Variants in ITGA11 observed in about 807,000 individuals in gnomAD.
The protein encoded by ITGA11 is integrin alpha-11.
ITGA11 carries 97 observed loss-of-function variants against 141.9 expected under a neutral mutation model. That is an observed-to-expected ratio of 0.68 (90% CI 0.58 to 0.81). The LOEUF (loss-of-function observed/expected upper bound fraction) is 0.81, where lower values mean the gene tolerates loss of function less well. Among genes scored for constraint, ITGA11 ranks in the 30% least tolerant of loss-of-function variants. ITGA11 has a pLI of 0.00. For missense variants in ITGA11, 1,387 were observed against 1,559.2 expected (o/e 0.89, Z 1.86); for synonymous variants, 658 against 624.6 (o/e 1.05, Z -0.80).
In ITGA11 at chr15:68,306,357, C is replaced by T. The variant is rs28442582; in HGVS notation, c.3381+991G>A. 5.9e-3 allele frequency among the ~76,000 whole-genome samples: 895 copies of T among 151,838 alleles called. 8 individuals are homozygous for T. The highest frequency in any genetic ancestry group is 0.02 in the African/African-American group (840 of 41,362). ...TGTGAGCAGGGTATGTGTGGGGGAGCGGGGGTGCCTGTACCACACCTCCCT... is the reference window on the plus strand; with the variant it reads ...TGTGAGCAGGGTATGTGTGGGGGAGTGGGGGTGCCTGTACCACACCTCCCT... On this transcript the variant is annotated intron_variant, in intron 28 of 29. Transcript: ENST00000315757.
intron 1 of ITGA11, among the ~76,000 whole-genome samples, chr15:68,428,060 T>A (rs1392540584): frequency 6.6e-6 from 1 of 152,256 alleles, no homozygotes; most frequent in East Asian, 1.9e-4. Context: ...AGGGTTATGA[T>A]GGATCCTAGA....
In ITGA11 at chr15:68,404,165, C is replaced by T. The variant is rs533567476; in HGVS notation, c.53-1136G>A. 7.2e-5 allele frequency among the ~76,000 whole-genome samples: 11 copies of T among 152,158 alleles called. No homozygotes were observed. The South Asian group carries it at 8.3e-4, about 11-fold the overall frequency. On this transcript the variant is annotated intron_variant, in intron 1 of 29. Transcript: ENST00000315757. The stretch of plus-strand genomic sequence containing the variant: ...TCTTCCCTCCTCCTCCCTTCATTAC[C>T]GCCTCCCCTATCTGCTGAAGAGTCA...
chr15:68,338,556 T>C lies in ITGA11; in HGVS notation c.1276+944A>G, dbSNP rs544443878. Among the ~76,000 whole-genome samples the C allele has an allele frequency of 8.5e-5, 13 of 152,374 alleles. No homozygotes were observed. The East Asian group carries it at 1.9e-3, about 23-fold the overall frequency. ...ATTTCTGAATTTTCTAGCACAGTCC[T>C]GATTCCAGCATTTTGCCCTTTTGTC... On this transcript the variant is annotated intron_variant, in intron 11 of 29. Coordinates refer to ENST00000315757, the MANE Select transcript of ITGA11 (RefSeq NM_001004439.2).
At chr15:68,397,027 T>A (rs535175631) in intron 2 of ITGA11, among the ~76,000 whole-genome samples, 2 of 13,778 alleles carry the variant, frequency 1.5e-4, no homozygotes, top group African/African-American at 4.3e-4. Flanking sequence ...TTATATAATA[T>A]ATAAATTATT....
At chr15:68,316,263 G>A (rs947774281) in intron 21 of ITGA11, among the ~76,000 whole-genome samples, 7 of 152,220 alleles carry the variant, frequency 4.6e-5, no homozygotes, top group East Asian at 1.9e-4. Flanking sequence ...GTCTGGCAGC[G>A]CTTCTGCCAC....
rs569290762 is a variant in ITGA11 at position 68,353,790 on chromosome 15, C to T, written c.750-2388G>A. ...TAGGCCCCGTCACAGCTCCTTTCTG[C>T]TCAAAACCTGCACAGGTTCCTATTT... On this transcript the variant is annotated intron_variant, in intron 7 of 29. Coordinates refer to ENST00000315757, the MANE Select transcript of ITGA11 (RefSeq NM_001004439.2). Among the ~76,000 whole-genome samples, 12 of 152,256 alleles carry T rather than the reference C, an allele frequency of 7.9e-5. No individual in the cohort carries two copies. The South Asian group carries it at 2.5e-3, about 32-fold the overall frequency.
At position 68,325,368 on chromosome 15, in the gene ITGA11, GGTGA is replaced by G. The variant is rs373894519; in HGVS notation, c.2212-131_2212-128del. ...CAGGGCAGCTGCCCTGTGCCCTCAG[GGTGA>G]GTCTGCAGGTGGATGGAGGTTTCTA... On this transcript the variant is annotated intron_variant, in intron 17 of 29. Coordinates refer to ENST00000315757, the MANE Select transcript of ITGA11 (RefSeq NM_001004439.2). This position sits in a 1 kb window ranked among gnomAD's most constrained non-coding sequence, Gnocchi z 5.5. 9.3e-5 allele frequency: 63 copies of G among 679,354 alleles called. No homozygotes were observed. The African/African-American group carries it at 1.0e-3, about 11-fold the overall frequency. The allele number at this position is 679,354 out of a possible 1,614,324, so 42.1% of individuals were successfully genotyped here. A position where few individuals can be genotyped will look rare whatever the true frequency, so the allele number is the denominator to read the frequency against.
intron 8 of ITGA11, 65 bp from the exon 9 acceptor site, chr15:68,350,847 C>A: frequency 6.6e-7 from 1 of 1,511,406 alleles, no homozygotes; most frequent in Non-Finnish European, 8.9e-7. Context: ...ATACACCACA[C>A]GGCCTAGACC....
intron 20 of ITGA11, 56 bp from the exon 21 acceptor site, chr15:68,317,419 C>A: frequency 8.2e-7 from 1 of 1,226,990 alleles, no homozygotes; most frequent in Non-Finnish European, 1.2e-6. Context: ...GGGACCAGGT[C>A]TCGAGGCTCC....
In ITGA11 at chr15:68,326,851, ACTGT is replaced by A. The variant is rs1387394142; in HGVS notation, c.2069-59_2069-56del. ...AGGTGGAGCCACATGCCCATCCAAG[ACTGT>A]CTGCCTCCTCCAGGAAGCCCCCCAG... On this transcript the variant is annotated intron_variant, in intron 16 of 29. Coordinates refer to ENST00000315757, the MANE Select transcript of ITGA11 (RefSeq NM_001004439.2). This position sits in a 1 kb window ranked among gnomAD's most constrained non-coding sequence, Gnocchi z 6.8. The A allele has an allele frequency of 1.3e-6, 2 of 1,519,390 alleles. No individual in the cohort carries two copies. The highest frequency in any genetic ancestry group is 1.8e-6 in the Non-Finnish European group (2 of 1,127,944). The allele number at this position is 1,519,390 out of a possible 1,614,324, so 94.1% of individuals were successfully genotyped here.
At chr15:68,360,806 C>A (rs774785378) in intron 5 of ITGA11, among the ~76,000 whole-genome samples, 2 of 152,202 alleles carry the variant, frequency 1.3e-5, no homozygotes, top group Non-Finnish European at 2.9e-5. Context: ...GAAAGACGAC[C>A]TTTCTGCCCC....
intron 2 of ITGA11, among the ~76,000 whole-genome samples, chr15:68,397,434 A>AATAT (rs1896324806): frequency 7.5e-5 from 2 of 26,662 alleles, no homozygotes; most frequent in African/African-American, 4.4e-4. Context: ...TATTAATATA[A>AATAT]TAATAAATTA....
Position 68,325,195 on chromosome 15 carries a change from G to T in ITGA11, c.2258C>A (p.Ser753Tyr). ...GGGGCCATGGTCAGGGTCCTCCAGG[G>T]AATACTCGACTGAGAAGGTCACTGG... ...VKPVTFSVEYSLEDPDHGPML... is the reference protein window; with the variant it reads ...VKPVTFSVEYYLEDPDHGPML... Residue 753 changes from serine (S) to tyrosine (Y), a missense_variant, in exon 18 of 30, where the codon TCC becomes TAC. Ser to Tyr is a moderately radical substitution (Grantham distance 144). Coordinates refer to ENST00000315757, the MANE Select transcript of ITGA11 (RefSeq NM_001004439.2). The surrounding 1 kb of genome is among the most constrained non-coding windows in gnomAD (Gnocchi z 5.5). The T allele has an allele frequency of 6.2e-7, 1 of 1,613,968 alleles. No individual in the cohort carries two copies.
chr15:68,329,890 G>T (rs1446899404), intron 15 of ITGA11, among the ~76,000 whole-genome samples: 1 of 152,222 alleles, frequency 6.6e-6, no homozygotes, highest in Non-Finnish European at 1.5e-5. Flanking sequence ...TAGAGGGCTG[G>T]GGCACCACCG....
At chr15:68,348,365 G>A (rs1321346966) in intron 10 of ITGA11, among the ~76,000 whole-genome samples, 1 of 152,220 alleles carries the variant, frequency 6.6e-6, no homozygotes, top group African/African-American at 2.4e-5. Flanking sequence ...CCTGGCATGT[G>A]CAGGCCGCCT....
intron 10 of ITGA11, among the ~76,000 whole-genome samples, chr15:68,341,238 G>A (rs1416695064): frequency 6.6e-6 from 1 of 152,188 alleles, no homozygotes; most frequent in Non-Finnish European, 1.5e-5. Flanking sequence ...CTCTGTGCTC[G>A]AGCCTCAGCC....
In ITGA11 at chr15:68,326,703, A is replaced by G; in HGVS notation, c.2162T>C (p.Leu721Pro). The change falls in exon 17 of 30, where the codon CTG becomes CCG. Residue 721 changes from leucine to proline, a missense_variant. Leu to Pro is a moderately conservative substitution (Grantham distance 98). Coordinates refer to ENST00000315757, the MANE Select transcript of ITGA11 (RefSeq NM_001004439.2). This position sits in a 1 kb window ranked among gnomAD's most constrained non-coding sequence, Gnocchi z 6.8. ...ACAGAGCTCCTGGCCGGAGGAGAGC[A>G]GTACGGCTCTGTTGGTGAATCGGTC... is the stretch of plus-strand genomic sequence containing the variant. ...GGDRFTNRAVLLSSGQELCER... is the reference protein window; with the variant it reads ...GGDRFTNRAVPLSSGQELCER... 6.3e-7 allele frequency: 1 copy of G among 1,588,580 alleles called. No individual in the cohort carries two copies. Among genetic ancestry groups the G allele is most frequent in the South Asian group, 1.2e-5 (1 of 86,638 alleles).
At chr15:68,357,336 CCCCATGAA>C (rs766800180) in intron 6 of ITGA11, 37 bp from the exon 7 acceptor site, 59 of 1,595,046 alleles carry the variant, frequency 3.7e-5, no homozygotes, top group African/African-American at 1.8e-4. Flanking sequence ...AACATTTTGA[CCCCATGAA>C]CCCATGAACC....
chr15:68,407,636 T>C (rs1896678919), intron 1 of ITGA11, among the ~76,000 whole-genome samples: 3 of 152,174 alleles, frequency 2.0e-5, no homozygotes, highest in African/African-American at 7.2e-5. Flanking sequence ...TTGATATTGA[T>C]GACAGAGGGG....
Sources: gnomAD v4.1 joint callset for allele counts (sites outside exome capture counted in the v4.1 genomes callset) on GRCh38, gnomAD v4.1.1 for gene constraint, Gnocchi (gnomAD v3.1) non-coding constraint, MANE v1.5 for transcripts, NCBI Gene and HGNC (gene_info 2026-07-23, HGNC 2026-07-21) for gene names.